RNASE11: variants seen among roughly 807,000 people sequenced by gnomAD.
RNASE11 encodes the protein ribonuclease A family member 11 (inactive), also known as putative inactive ribonuclease 11.
For missense variants in RNASE11, 252 were observed against 237.8 expected (o/e 1.06, Z -0.39); for synonymous variants, 105 against 86.1 (o/e 1.22, Z -1.21).
chr14:20,585,230 T>C (rs138281263), intron 1 of RNASE11: 12 of 214,950 alleles, frequency 5.6e-5, no homozygotes, highest in African/African-American at 2.8e-4. Flanking sequence ...CTGAACAAAG[T>C]GCCCATTTGG....
At chr14:20,589,706 G>A (rs1472076226), upstream of RNASE11, among the ~76,000 whole-genome samples, 1 of 151,892 alleles carries the variant, frequency 6.6e-6, no homozygotes, top group Non-Finnish European at 1.5e-5. Context: ...GACCAACATG[G>A]AGAAACCTCA....
chr14:20,585,061 A>C, intron 1 of RNASE11: 1 of 985,362 alleles, frequency 1.0e-6, no homozygotes, highest in Non-Finnish European at 1.2e-6. Context: ...GTAGAGGAAG[A>C]TTCCACTTTG....
chr14:20,587,899 C>T (rs376218983), upstream of RNASE11: 4 of 944,972 alleles, frequency 4.2e-6, no homozygotes, highest in South Asian at 9.8e-5. Flanking sequence ...TCCAAATGAG[C>T]AATGAACAGC....
downstream of RNASE11, chr14:20,583,324 A>G (rs1423401541): frequency 1.3e-5 from 2 of 154,068 alleles, no homozygotes; most frequent in Non-Finnish European, 2.9e-5. Context: ...GGCTGGAGCT[A>G]TTGACACTGA....
chr14:20,585,162 T>C (rs1884409260), intron 1 of RNASE11: 1 of 826,340 alleles, frequency 1.2e-6, no homozygotes, highest in African/African-American at 1.9e-5. Flanking sequence ...GAGGGGTAGA[T>C]AGGGTTGTAT....
In RNASE11 at chr14:20,584,249, G is replaced by A. The variant is rs370914507; in HGVS notation, c.226C>T (p.Leu76=). ...TTATAATGTAAACTTCTGAATGTCA[G>A]TAATGTGGAAGACATATCATCCTTG... is the stretch of plus-strand genomic sequence containing the variant. Residue 76 remains leucine, a synonymous_variant, in exon 2 of 2, where the codon CTG becomes TTG. Coordinates refer to ENST00000553849, the Ensembl canonical transcript of RNASE11. 3.0e-5 allele frequency: 48 copies of A among 1,614,076 alleles called. 1 individual carries two copies. The Admixed American group carries it at 7.3e-4, about 25-fold the overall frequency.
intron 1 of RNASE11, among the ~76,000 whole-genome samples, chr14:20,584,796 T>C (rs1884400974): frequency 6.6e-6 from 1 of 152,238 alleles, no homozygotes; most frequent in Non-Finnish European, 1.5e-5. Context: ...CAAGTATTTG[T>C]TTCTTATCCT....
chr14:20,587,140 G>C (rs1027726505), intron 1 of RNASE11, among the ~76,000 whole-genome samples: 1 of 152,176 alleles, frequency 6.6e-6, no homozygotes, highest in Non-Finnish European at 1.5e-5. Flanking sequence ...GCAACAGAAT[G>C]AGACTCTGAT....
chr14:20,584,492 C>A, exon 2 of RNASE11: 1 of 1,555,640 alleles, frequency 6.4e-7, no homozygotes, highest in South Asian at 1.3e-5. Flanking sequence ...GTAGTGTAAT[C>A]TCTTCTGCAG....
At chr14:20,589,500 G>A (rs538645903), upstream of RNASE11, among the ~76,000 whole-genome samples, 80 of 151,886 alleles carry the variant, frequency 5.3e-4, no homozygotes, top group African/African-American at 1.9e-3. Context: ...TGATCCACCC[G>A]CCTCGGCCTC....
intron 1 of RNASE11, chr14:20,584,911 CATAT>C (rs1884404296): frequency 2.9e-5 from 6 of 203,884 alleles, no homozygotes; most frequent in Non-Finnish European, 3.5e-5. Context: ...CCTATAGCCT[CATAT>C]AGAACCTGGC....
chr14:20,590,130 C>A (rs1168543451), upstream of RNASE11: 1 of 1,377,874 alleles, frequency 7.3e-7, no homozygotes, highest in Non-Finnish European at 9.6e-7. Flanking sequence ...CAATCCCAAC[C>A]CAGCAATACA....
In RNASE11 at chr14:20,587,048, G is replaced by A. The variant is rs1184623274; in HGVS notation, c.-23+515C>T. Among the ~76,000 whole-genome samples the A allele has an allele frequency of 2.0e-5, 3 of 152,340 alleles. No individual in the cohort carries two copies. The East Asian group carries it at 5.8e-4, about 29-fold the overall frequency. On this transcript the variant is annotated intron_variant, in intron 1 of 1. Coordinates refer to ENST00000553849, the Ensembl canonical transcript of RNASE11. The stretch of plus-strand genomic sequence containing the variant: ...TATGCCTATAGTCCCAGCCACTCGG[G>A]AGGCTGAGAGGAGAGGATTTCTTGA...
intron 1 of RNASE11, among the ~76,000 whole-genome samples, chr14:20,584,861 C>T (rs977253406): frequency 6.6e-6 from 1 of 152,154 alleles, no homozygotes; most frequent in Admixed American, 6.5e-5. Context: ...TGGTGGGTCA[C>T]GATTCTCACT....
At chr14:20,584,145 T>C in exon 2 of RNASE11, 2 of 1,614,234 alleles carry the variant, frequency 1.2e-6, no homozygotes, top group Non-Finnish European at 8.5e-7. Flanking sequence ...ACGATCCGTT[T>C]GCTTCTGAAA....
At chr14:20,584,543 G>C in intron 1 of RNASE11, 47 bp from the exon 3 acceptor site, 1 of 1,456,886 alleles carries the variant, frequency 6.9e-7, no homozygotes, top group South Asian at 1.4e-5. Context: ...AGATTAAAGA[G>C]GTAGTTCTTT....
upstream of RNASE11, chr14:20,590,245 GAGAAGAGATCTC>G: frequency 2.5e-6 from 4 of 1,604,062 alleles, no homozygotes; most frequent in Non-Finnish European, 3.4e-6. Flanking sequence ...ATGCCATTGA[GAGAAGAGATCTC>G]AGACTCGGGA....
chr14:20,590,237 G>C, upstream of RNASE11: 1 of 1,599,896 alleles, frequency 6.3e-7, no homozygotes, highest in Non-Finnish European at 8.5e-7. Flanking sequence ...CAGCTCCAAT[G>C]CCATTGAGAG....
At chr14:20,589,135 T>A (rs1346293763), upstream of RNASE11, among the ~76,000 whole-genome samples, 2 of 147,444 alleles carry the variant, frequency 1.4e-5, no homozygotes, top group East Asian at 3.9e-4. Context: ...AATGTTAAAA[T>A]TTTAAATACC....
Sources: gnomAD v4.1 joint callset for allele counts (sites outside exome capture counted in the v4.1 genomes callset) on GRCh38, gnomAD v4.1.1 for gene constraint, MANE v1.5 for transcripts, NCBI Gene and HGNC (gene_info 2026-07-23, HGNC 2026-07-21) for gene names.